Variants in RBPJ observed in about 807,000 individuals in gnomAD.
The protein encoded by RBPJ is recombining binding protein suppressor of hairless.
A neutral mutation model predicts 67.8 loss-of-function variants in RBPJ; 9 were observed. The ratio of observed to expected loss-of-function variants is 0.13; its 90% CI spans 0.08 to 0.23. The LOEUF (loss-of-function observed/expected upper bound fraction) is 0.23. Among genes scored for constraint, RBPJ ranks in the 10% least tolerant of loss-of-function variants. The pLI is 1.00. For synonymous variants in RBPJ, 198 were observed against 203.3 expected (o/e 0.97, Z 0.22); for missense variants, 305 against 595.6 (o/e 0.51, Z 5.08).
At chr4:26,300,250 G>C (rs1722031653) in intron 1 of RBPJ, among the ~76,000 whole-genome samples, 1 of 151,964 alleles carries the variant, frequency 6.6e-6, no homozygotes, top group Non-Finnish European at 1.5e-5. Context: ...TATGGGCAGG[G>C]GTGGGGGTGG....
intron 1 of RBPJ, among the ~76,000 whole-genome samples, chr4:26,308,212 C>G (rs1722306383): frequency 6.6e-6 from 1 of 151,952 alleles, no homozygotes; most frequent in African/African-American, 2.4e-5. Flanking sequence ...GGAGGCGGAG[C>G]TTGCAGTGAG....
At chr4:26,405,472 T>C (rs1733301658) in intron 2 of RBPJ, among the ~76,000 whole-genome samples, 1 of 152,212 alleles carries the variant, frequency 6.6e-6, no homozygotes, top group Non-Finnish European at 1.5e-5. Context: ...TAAATACATT[T>C]AAGATATTGA....
chr4:26,250,666 TATATACTAC>T (rs1720081571), intron 1 of RBPJ, among the ~76,000 whole-genome samples: 1 of 152,178 alleles, frequency 6.6e-6, no homozygotes, highest in African/African-American at 2.4e-5. Flanking sequence ...TCATTGTCTG[TATATACTAC>T]ATTTGGTTTA....
chr4:26,275,547 C>G (rs1276912841), intron 1 of RBPJ, among the ~76,000 whole-genome samples: 1 of 152,166 alleles, frequency 6.6e-6, no homozygotes, highest in Non-Finnish European at 1.5e-5. Flanking sequence ...AGTCAGTCGC[C>G]GGAGAAAAAC....
chr4:26,274,797 G>T lies in RBPJ; in HGVS notation c.-166-87649G>T, dbSNP rs79375000. 9.5e-3 allele frequency among the ~76,000 whole-genome samples: 1,444 copies of T among 152,186 alleles called. 33 individuals are homozygous for T. The highest frequency in any genetic ancestry group is 0.033 in the African/African-American group (1,356 of 41,506). The stretch of plus-strand genomic sequence containing the variant: ...GAAAACACAAAAATTAGCCAGGGGT[G>T]GTGGTGCACATTTGTGATCCCAGCT... On this transcript the variant is annotated intron_variant, in intron 1 of 4. Transcript: ENST00000512351.
intron 1 of RBPJ, chr4:26,362,600 TC>T: frequency 1.2e-6 from 2 of 1,614,038 alleles, no homozygotes; most frequent in Non-Finnish European, 1.7e-6. Flanking sequence ...CTTAACATGT[TC>T]TTGAAGTACC....
rs11458584 is a variant in RBPJ at position 26,210,752 on chromosome 4, C to CTTTCTTTCTTTCTTTCTTTCT, written c.-167+47140_-167+47141insTCTTTCTTTCTTTCTTTCTTT. Reference sequence around the variant, plus strand: ...CCTTCTTTACTTCTTTCCTTCTTTCCTTCTTTCTTTCTTTCTTTCTTTCTT... The same window carrying CTTTCTTTCTTTCTTTCTTTCT: ...CCTTCTTTACTTCTTTCCTTCTTTCCTTTCTTTCTTTCTTTCTTTCTTTCTTTCTTTCTTTCTTTCTTTCTT... On this transcript the variant is annotated intron_variant, in intron 1 of 4. Transcript: ENST00000512351. Among the ~76,000 whole-genome samples, 11 of 47,336 alleles carry CTTTCTTTCTTTCTTTCTTTCT rather than the reference C, an allele frequency of 2.3e-4. 1 individual carries two copies. The highest frequency in any genetic ancestry group is 0.01 in the Middle Eastern group (1 of 100). The allele number at this position is 47,336 out of a possible 152,430, so 31.1% of individuals were successfully genotyped here. A position where few individuals can be genotyped will look rare whatever the true frequency, so the allele number is the denominator to read the frequency against.
At chr4:26,322,455 T>C (rs1004446313) in intron 1 of RBPJ, among the ~76,000 whole-genome samples, 1 of 152,194 alleles carries the variant, frequency 6.6e-6, no homozygotes, top group African/African-American at 2.4e-5. Context: ...ATATAAATGT[T>C]TTATTTTTTC....
chr4:26,197,143 G>T (rs1274047929), intron 1 of RBPJ, among the ~76,000 whole-genome samples: 2 of 152,138 alleles, frequency 1.3e-5, no homozygotes, highest in African/African-American at 4.8e-5. Flanking sequence ...ATGGAGTATA[G>T]CTGGATCAAG....
chr4:26,159,385 G>T (rs189067782), upstream of RBPJ, among the ~76,000 whole-genome samples: 1 of 152,286 alleles, frequency 6.6e-6, no homozygotes, highest in African/African-American at 2.4e-5. Context: ...GAGAAGCTGA[G>T]TTGGGGTGGG....
the RBPJ span, among the ~76,000 whole-genome samples, chr4:26,156,490 C>T: frequency 6.9e-6 from 1 of 143,958 alleles, no homozygotes; most frequent in African/African-American, 2.6e-5. Flanking sequence ...GCGATCTCAG[C>T]TCACTGCAAC....
At chr4:26,123,348 T>C in the RBPJ span, among the ~76,000 whole-genome samples, 1 of 152,198 alleles carries the variant, frequency 6.6e-6, no homozygotes, top group African/African-American at 2.4e-5. Context: ...TACATCTGTA[T>C]AGAACACTTA....
At chr4:26,225,619 C>T (rs934977007) in intron 1 of RBPJ, among the ~76,000 whole-genome samples, 5 of 151,888 alleles carry the variant, frequency 3.3e-5, no homozygotes, top group Admixed American at 6.6e-5. Flanking sequence ...AATAATAATG[C>T]GTCAATATGG....
chr4:26,338,757 T>A (rs1725175540), intron 1 of RBPJ, among the ~76,000 whole-genome samples: 1 of 152,018 alleles, frequency 6.6e-6, no homozygotes, highest in African/African-American at 2.4e-5. Context: ...GTATTTTTAG[T>A]AGAGATGGGG....
At chr4:26,299,606 A>G (rs1254311947) in intron 1 of RBPJ, among the ~76,000 whole-genome samples, 1 of 152,094 alleles carries the variant, frequency 6.6e-6, no homozygotes, top group Non-Finnish European at 1.5e-5. Flanking sequence ...ATAATACACA[A>G]ATAGGAATTG....
chr4:26,207,208 C>T (rs1577471614), intron 1 of RBPJ, among the ~76,000 whole-genome samples: 1 of 152,154 alleles, frequency 6.6e-6, no homozygotes, highest in East Asian at 1.9e-4. Flanking sequence ...ACCAGTTCCT[C>T]ATGGTTTTTC....
At chr4:26,422,518 A>G (rs1193330836) in intron 5 of RBPJ, among the ~76,000 whole-genome samples, 1 of 152,216 alleles carries the variant, frequency 6.6e-6, no homozygotes. Context: ...GAATAATAAC[A>G]TTCCTTGAAA....
At chr4:26,374,962 C>G (rs1577554793) in intron 1 of RBPJ, among the ~76,000 whole-genome samples, 1 of 151,990 alleles carries the variant, frequency 6.6e-6, no homozygotes, top group Non-Finnish European at 1.5e-5. Context: ...AGTTTCTAAG[C>G]TGGTTTCCTC....
the RBPJ span, among the ~76,000 whole-genome samples, chr4:26,157,038 T>C: frequency 6.7e-6 from 1 of 148,876 alleles, no homozygotes; most frequent in Non-Finnish European, 1.5e-5. Flanking sequence ...TTCACACCAC[T>C]GTGACTCCAT....
Sources: gnomAD v4.1 joint callset for allele counts (sites outside exome capture counted in the v4.1 genomes callset) on GRCh38, gnomAD v4.1.1 for gene constraint, MANE v1.5 for transcripts, NCBI Gene and HGNC (gene_info 2026-07-23, HGNC 2026-07-21) for gene names.